The following COL4A5 variants were observed in gnomAD, a reference collection of about 807,000 sequenced individuals.
COL4A5 encodes collagen alpha-5(IV) chain.
A neutral mutation model predicts 130.2 loss-of-function variants in COL4A5; 26 were observed. The observed-to-expected ratio is 0.20, with a 90% CI of 0.15 to 0.28. The LOEUF (loss-of-function observed/expected upper bound fraction) is 0.28, where lower values mean the gene tolerates loss of function less well. Among genes scored for constraint, COL4A5 ranks in the 10% least tolerant of loss-of-function variants. The probability of loss-of-function intolerance (pLI) is 1.00; values close to 1 mark genes in which losing one functional copy is unlikely to be tolerated. For missense variants in COL4A5, 1,131 were observed against 1,344.3 expected (o/e 0.84, Z 2.48); for synonymous variants, 496 against 439.6 (o/e 1.13, Z -1.60).
At chrX:108,471,921 A>C (rs920504906) in intron 1 of COL4A5, among the ~76,000 whole-genome samples, 1 of 111,317 alleles carries the variant, frequency 9.0e-6, no homozygotes, top group African/African-American at 3.3e-5. Context: ...AGAAGGTATA[A>C]ATATAGGTCA....
rs963970246 is a variant in COL4A5, at chrX:108,469,590, C to G, written c.81+29384C>G. Among the ~76,000 whole-genome samples, 3 of 111,698 alleles carry G rather than the reference C, an allele frequency of 2.7e-5. No individual in the cohort carries two copies. In the Admixed American group the frequency reaches 2.8e-4, roughly 11 times the overall value. On this transcript the variant is annotated intron_variant, in intron 1 of 52. Coordinates refer to ENST00000328300, the MANE Select transcript of COL4A5 (RefSeq NM_033380.3). ...GTCAATTTTCTTGGTCTTTTCAGAG[C>G]ACTAACCTTTGTTATTTTATTTTAT...
At chrX:108,511,795 C>T (rs1451325604) in intron 1 of COL4A5, among the ~76,000 whole-genome samples, 2 of 111,635 alleles carry the variant, frequency 1.8e-5, no homozygotes, top group Non-Finnish European at 3.8e-5. Context: ...TACCTTATGC[C>T]AAATTTAATT....
chrX:108,559,197 C>T, intron 3 of COL4A5, 44 bp downstream of exon 3: 1 of 1,013,148 alleles, frequency 9.9e-7, no homozygotes, highest in Non-Finnish European at 1.4e-6. Flanking sequence ...TGAATTAAGT[C>T]ATCTTAAATG....
rs1603253865 is a variant in COL4A5, at chrX:108,485,120, A to G, written c.81+44914A>G. On this transcript the variant is annotated intron_variant, in intron 1 of 52. Transcript: ENST00000328300. ...GGGGACTACTGCCAGGCTACCATCTATGTTCACTTAAGGCCCAAGAGCTCT... is the reference window on the plus strand; with the variant it reads ...GGGGACTACTGCCAGGCTACCATCTGTGTTCACTTAAGGCCCAAGAGCTCT... Among the ~76,000 whole-genome samples, 3 of 111,533 alleles carry G rather than the reference A, an allele frequency of 2.7e-5. 1 individual carries two copies. The Admixed American group carries it at 2.8e-4, about 11-fold the overall frequency.
intron 1 of COL4A5, among the ~76,000 whole-genome samples, chrX:108,534,083 G>A (rs2065422408): frequency 9.1e-6 from 1 of 109,374 alleles, no homozygotes; most frequent in African/African-American, 3.3e-5. Context: ...ACTCTTATAT[G>A]CTGTTGTGAA....
At chrX:108,554,705 A>G (rs1208996984) in intron 2 of COL4A5, among the ~76,000 whole-genome samples, 2 of 110,955 alleles carry the variant, frequency 1.8e-5, no homozygotes, top group South Asian at 3.8e-4. Context: ...TACAAAAAAT[A>G]TAAAAATTGG....
intron 1 of COL4A5, among the ~76,000 whole-genome samples, chrX:108,480,138 C>T (rs760791751): frequency 9.8e-5 from 11 of 111,785 alleles, no homozygotes; most frequent in Non-Finnish European, 1.9e-4. Context: ...CCTTTCGGGT[C>T]ACTCGATAAA....
Position 108,590,383 on chromosome X carries a change from G to C in COL4A5, c.1166-675G>C, listed in dbSNP as rs1203808980. On this transcript the variant is annotated intron_variant, in intron 19 of 52. Transcript: ENST00000328300. Reference sequence around the variant, plus strand: ...AACAATACATGTGTAAGACTTCTTTGCAGAATTTTGTAAATTATTATTAAA... The same window carrying C: ...AACAATACATGTGTAAGACTTCTTTCCAGAATTTTGTAAATTATTATTAAA... Among the ~76,000 whole-genome samples, 12 of 110,949 alleles carry C rather than the reference G, an allele frequency of 1.1e-4. No individual in the cohort carries two copies. The Admixed American group carries it at 1.2e-3, about 11-fold the overall frequency.
chrX:108,632,044 CT>C (rs1298475005), intron 36 of COL4A5, among the ~76,000 whole-genome samples: 2 of 110,579 alleles, frequency 1.8e-5, no homozygotes, highest in Non-Finnish European at 3.8e-5. Flanking sequence ...CAGGAGCTGG[CT>C]TTTTGAAAAC....
chrX:108,567,802 A>G (rs759220315), intron 4 of COL4A5, among the ~76,000 whole-genome samples: 2 of 111,556 alleles, frequency 1.8e-5, no homozygotes, highest in Admixed American at 1.9e-4. Flanking sequence ...CAAGAACAGT[A>G]TGGGGGAAAC....
In COL4A5 at chrX:108,624,204, C is replaced by T. The variant is rs201177569; in HGVS notation, c.2918-32C>T. On this transcript the variant is annotated intron_variant, in intron 33 of 52. Coordinates refer to ENST00000328300, the MANE Select transcript of COL4A5 (RefSeq NM_033380.3). ...TTATTTCATGGATGAATAATATCAT[C>T]CTAACTTGCCTCTTCTACTCATTCT... 19 of 1,109,695 alleles carry T rather than the reference C, an allele frequency of 1.7e-5. No homozygotes were observed. The Middle Eastern group carries it at 1.5e-3, about 88-fold the overall frequency. 91.5% of individuals were successfully genotyped at this position (1,109,695 alleles called of 1,213,427 possible).
chrX:108,630,285 G>C (rs1390007991), intron 36 of COL4A5, among the ~76,000 whole-genome samples: 3 of 111,861 alleles, frequency 2.7e-5, no homozygotes, highest in African/African-American at 9.7e-5. Flanking sequence ...CAGTGTAAAA[G>C]CATTCCTATT....
intron 2 of COL4A5, among the ~76,000 whole-genome samples, chrX:108,555,619 C>T (rs1239193765): frequency 9.0e-6 from 1 of 111,443 alleles, no homozygotes; most frequent in African/African-American, 3.3e-5. Flanking sequence ...TTTTTCCTAT[C>T]CTCAGAATTC....
rs1421090015 is a variant in COL4A5 at position 108,568,637 on chromosome X, T to G, written c.285T>G (p.Pro95=). 1 of 1,194,037 alleles carries G rather than the reference T, an allele frequency of 8.4e-7. No homozygotes were observed. Among genetic ancestry groups the G allele is most frequent in the Admixed American group, 2.2e-5 (1 of 46,046 alleles). Residue 95 remains proline (P), a synonymous_variant, in exon 5 of 53, where the codon CCT becomes CCG. Transcript: ENST00000328300. ...PPGPKGIRGP[P]GLPGFPGTPG... Reference sequence around the variant, plus strand: ...TTTATTTCTTCTTATAGGGTCCTCCTGGACTTCCTGGATTTCCAGGGACAC... The same window carrying G: ...TTTATTTCTTCTTATAGGGTCCTCCGGGACTTCCTGGATTTCCAGGGACAC...
Position 108,685,974 on chromosome X carries a change from C to A in COL4A5, c.4217-57C>A, listed in dbSNP as rs1255739641. ...CTCGAGAACCTTATGTCTCCTAGAT[C>A]TGTCCAGATGTGAAAATATTCTACT... is the stretch of plus-strand genomic sequence containing the variant. On this transcript the variant is annotated intron_variant, in intron 47 of 52. Coordinates refer to ENST00000328300, the MANE Select transcript of COL4A5 (RefSeq NM_033380.3). 68 of 980,826 alleles carry A rather than the reference C, an allele frequency of 6.9e-5. No homozygotes were observed. The East Asian group carries it at 2.1e-3, about 30-fold the overall frequency. The allele number at this position is 980,826 out of a possible 1,213,427, so 80.8% of individuals were successfully genotyped here. A position where few individuals can be genotyped will look rare whatever the true frequency, so the allele number is the denominator to read the frequency against.
At chrX:108,584,652 C>T in intron 18 of COL4A5, 127 bp downstream of exon 18, 1 of 585,816 alleles carries the variant, frequency 1.7e-6, no homozygotes, top group Non-Finnish European at 2.7e-6. Flanking sequence ...TCAATTTCTA[C>T]TGGCTTAAAA....
intron 4 of COL4A5, 112 bp downstream of exon 4, chrX:108,564,038 A>T: frequency 1.5e-6 from 1 of 673,167 alleles, no homozygotes; most frequent in Admixed American, 3.1e-5. Context: ...AAGAAGATAA[A>T]TACAGTCTTC....
chrX:108,462,738 G>T (rs746962005), intron 1 of COL4A5: 28 of 112,648 alleles, frequency 2.5e-4, no homozygotes, highest in African/African-American at 9.0e-4. Context: ...GTTTTAGGTA[G>T]TTTTTAAAGT....
chrX:108,694,030 T>G, intron 50 of COL4A5: 1 of 97,868 alleles, frequency 1.0e-5, no homozygotes. Flanking sequence ...CTGAATCCTT[T>G]GGGAATTTGG....
Sources: allele counts gnomAD v4.1 joint callset (sites outside exome capture counted in the v4.1 genomes callset), GRCh38; gene constraint gnomAD v4.1.1; transcripts MANE v1.5; gene names NCBI Gene and HGNC (gene_info 2026-07-23, HGNC 2026-07-21).